Variants in PXMP2 observed in about 807,000 individuals in gnomAD.
PXMP2 encodes peroxisomal membrane protein 2.
A neutral mutation model predicts 20.2 loss-of-function variants in PXMP2; 13 were observed. That is an observed-to-expected ratio of 0.64 (90% CI 0.42 to 1.02). The LOEUF is 1.02. PXMP2 is among the 50% of genes least tolerant of loss of function. The pLI is 0.00. For synonymous variants in PXMP2, 113 were observed against 111.2 expected, an observed-to-expected ratio of 1.02 and a Z score of -0.10; for missense variants, 284 against 251.8, an observed-to-expected ratio of 1.13 and a Z score of -0.87.
intron 4 of PXMP2, 47 bp from the exon 5 acceptor site, chr12:132,704,572 C>T: frequency 7.3e-7 from 1 of 1,367,612 alleles, no homozygotes; most frequent in Non-Finnish European, 9.6e-7. Context: ...GATAACTGGC[C>T]ACGGCCTCCC....
Position 132,695,995 on chromosome 12 carries a change from C to A in PXMP2, c.348C>A (p.Val116=). ...GGAGGCTTCTCCTGGACCGCCTCGTCTTTGCACCGGCCTTCCTCATGTTGT... is the reference window on the plus strand; with the variant it reads ...GGAGGCTTCTCCTGGACCGCCTCGTATTTGCACCGGCCTTCCTCATGTTGT... ...GLRRLLLDRL[V]FAPAFLMLFF... is the part of the protein sequence containing the mutation. Residue 116 remains valine (V), a synonymous_variant, in exon 3 of 5, where the codon GTC becomes GTA. Transcript: ENST00000317479. 3 of 1,612,158 alleles carry A rather than the reference C, an allele frequency of 1.9e-6. No individual in the cohort carries two copies. The highest frequency in any genetic ancestry group is 2.5e-6 in the Non-Finnish European group (3 of 1,179,162).
In PXMP2 at chr12:132,696,116, G is replaced by T; in HGVS notation, c.399+70G>T. 6.9e-7 allele frequency: 1 copy of T among 1,452,488 alleles called. No homozygotes were observed. Among genetic ancestry groups the T allele is most frequent in the South Asian group, 1.5e-5 (1 of 67,638 alleles). 90.0% of individuals were successfully genotyped at this position (1,452,488 alleles called of 1,614,324 possible). On this transcript the variant is annotated intron_variant, in intron 3 of 4. Coordinates refer to ENST00000317479, the MANE Select transcript of PXMP2 (RefSeq NM_018663.3). This position sits in a 1 kb window ranked among gnomAD's most constrained non-coding sequence, Gnocchi z 4.4. ...AGGGATTCTTCACCTGACATTCTCGGCAGAATTCAGAGGGTCTGCAGATTT... is the reference window on the plus strand; with the variant it reads ...AGGGATTCTTCACCTGACATTCTCGTCAGAATTCAGAGGGTCTGCAGATTT...
At position 132,696,560 on chromosome 12, in the gene PXMP2, G is replaced by C. The variant is rs1051958568; in HGVS notation, c.399+514G>C. Among the ~76,000 whole-genome samples the C allele has an allele frequency of 6.6e-6, 1 of 152,164 alleles. No individual in the cohort carries two copies. Among genetic ancestry groups the C allele is most frequent in the African/African-American group, 2.4e-5 (1 of 41,432 alleles). Reference sequence around the variant, plus strand: ...CACCTGTAATCCCAGCACTTTGGGAGGGCGAGGCGGGTGGATCACCTGAGG... The same window carrying C: ...CACCTGTAATCCCAGCACTTTGGGACGGCGAGGCGGGTGGATCACCTGAGG... On this transcript the variant is annotated intron_variant, in intron 3 of 4. Transcript: ENST00000317479. This position sits in a 1 kb window ranked among gnomAD's most constrained non-coding sequence, Gnocchi z 4.4.
chr12:132,692,688 G>GCCCTTGCCAGTTAGTTAGTGAGCA (rs1565990628), intron 2 of PXMP2, among the ~76,000 whole-genome samples: 2 of 105,612 alleles, frequency 1.9e-5, no homozygotes, highest in Non-Finnish European at 4.0e-5. Context: ...GTTAGTGAGC[G>GCCCTTGCCAGTTAGTTAGTGAGCA]CCCTTGCCAG....
At chr12:132,701,439 C>G in intron 4 of PXMP2, 70 bp downstream of exon 4, 2 of 1,561,174 alleles carry the variant, frequency 1.3e-6, no homozygotes, top group East Asian at 2.3e-5. Context: ...CTTCCTTCCT[C>G]TTTCCTCCCC....
rs765202378 is a variant in PXMP2 at position 132,696,038 on chromosome 12, T to C, written c.391T>C (p.Phe131Leu). Reference protein sequence around the residue: ...FLMLFFLIMNFLEGKDASAFA... With the variant: ...FLMLFFLIMNLLEGKDASAFA... ...CATGTTGTTCTTCCTCATCATGAACTTTCTGGAGGTGGGTGTCTGCCACAG... is the reference window on the plus strand; with the variant it reads ...CATGTTGTTCTTCCTCATCATGAACCTTCTGGAGGTGGGTGTCTGCCACAG... The change falls in exon 3 of 5, where the codon TTT (phenylalanine) becomes CTT (leucine). Residue 131 changes from phenylalanine to leucine, a missense_variant. Transcript: ENST00000317479. This position sits in a 1 kb window ranked among gnomAD's most constrained non-coding sequence, Gnocchi z 4.4. 3.1e-6 allele frequency: 5 copies of C among 1,604,048 alleles called. No individual in the cohort carries two copies. The highest frequency in any genetic ancestry group is 1.7e-6 in the Non-Finnish European group (2 of 1,174,498).
Position 132,701,286 on chromosome 12 carries a change from G to A in PXMP2, c.436G>A (p.Gly146Arg). The A allele has an allele frequency of 3.7e-6, 6 of 1,612,972 alleles. No individual in the cohort carries two copies. The South Asian group carries it at 4.4e-5, about 12-fold the overall frequency. Residue 146 changes from glycine to arginine, a missense_variant, in exon 4 of 5, where the codon GGG (glycine) becomes AGG (arginine). Gly to Arg is a moderately radical substitution (Grantham distance 125). Coordinates refer to ENST00000317479, the MANE Select transcript of PXMP2 (RefSeq NM_018663.3). ...DASAFAAKMRGGFWPALRMNW... is the reference protein window; with the variant it reads ...DASAFAAKMRRGFWPALRMNW... ...CTCAGCCTTCGCCGCCAAGATGAGG[G>A]GGGGCTTCTGGCCGGCGCTGAGGAT... is the stretch of plus-strand genomic sequence containing the variant.
rs566833280 is a variant in PXMP2, at chr12:132,695,627, T to C, written c.237-257T>C. Among the ~76,000 whole-genome samples the C allele has an allele frequency of 1.1e-4, 16 of 152,050 alleles. No homozygotes were observed. The South Asian group carries it at 3.3e-3, about 32-fold the overall frequency. On this transcript the variant is annotated intron_variant, in intron 2 of 4. Transcript: ENST00000317479. ...GCTGGGACGACCTGGAAGCTGACAG[T>C]GTGAGGAGGAGCGAGCCAACATAGC...
At position 132,704,607 on chromosome 12, in the gene PXMP2, T is replaced by G; in HGVS notation, c.520-12T>G. 7.0e-7 allele frequency: 1 copy of G among 1,435,370 alleles called. No homozygotes were observed. Among genetic ancestry groups the G allele is most frequent in the Non-Finnish European group, 9.2e-7 (1 of 1,088,184 alleles). The allele number at this position is 1,435,370 out of a possible 1,614,324, so 88.9% of individuals were successfully genotyped here. On this transcript the variant is annotated splice_polypyrimidine_tract_variant and intron_variant, in intron 4 of 4. Coordinates refer to ENST00000317479, the MANE Select transcript of PXMP2 (RefSeq NM_018663.3). ...CGCTGACCGTGGCCTGTTGGACTGT[T>G]CTTTTCGGCAGTTCCGGGTGCTCTT...
At chr12:132,689,370 G>A (rs1487574874) in intron 1 of PXMP2, among the ~76,000 whole-genome samples, 1 of 152,188 alleles carries the variant, frequency 6.6e-6, no homozygotes, top group African/African-American at 2.4e-5. Flanking sequence ...GCTGTGTAAA[G>A]AAGTGGAGCA....
chr12:132,688,076 C>G (rs2136054763), intron 1 of PXMP2: 1 of 211,958 alleles, frequency 4.7e-6, no homozygotes, highest in South Asian at 7.8e-5. Flanking sequence ...CCAACAGGGG[C>G]CCCGCGCGCC....
At position 132,704,049 on chromosome 12, in the gene PXMP2, CTG is replaced by C. The variant is rs768036902; in HGVS notation, c.520-567_520-566del. ...TCAGCAAGCGTTTCCTGAGCAGTGA[CTG>C]TGCGCCATGCTGCTAGACTCGGAGA... is the stretch of plus-strand genomic sequence containing the variant. On this transcript the variant is annotated intron_variant, in intron 4 of 4. Coordinates refer to ENST00000317479, the MANE Select transcript of PXMP2 (RefSeq NM_018663.3). Among the ~76,000 whole-genome samples the C allele has an allele frequency of 4.6e-5, 7 of 152,180 alleles. No homozygotes were observed. The East Asian group carries it at 5.8e-4, about 13-fold the overall frequency.
At chr12:132,698,692 T>C (rs1285039735) in intron 3 of PXMP2, among the ~76,000 whole-genome samples, 1 of 152,136 alleles carries the variant, frequency 6.6e-6, no homozygotes, top group Non-Finnish European at 1.5e-5. Context: ...GGTGGCACAA[T>C]ATCGGCTCAC....
At chr12:132,692,603 T>A (rs1185490605) in intron 2 of PXMP2, among the ~76,000 whole-genome samples, 18 of 124,016 alleles carry the variant, frequency 1.5e-4, no homozygotes, top group Non-Finnish European at 1.5e-4. Flanking sequence ...TGCCAGTTAG[T>A]TAAGTGAGCG....
At chr12:132,703,108 T>C (rs1300531149) in intron 4 of PXMP2, among the ~76,000 whole-genome samples, 1 of 152,116 alleles carries the variant, frequency 6.6e-6, no homozygotes, top group Admixed American at 6.5e-5. Flanking sequence ...TGGGAATTAT[T>C]TTAAAAATCA....
intron 2 of PXMP2, among the ~76,000 whole-genome samples, chr12:132,691,932 C>T (rs1473870450): frequency 1.3e-5 from 2 of 152,286 alleles, no homozygotes; most frequent in Non-Finnish European, 2.9e-5. Flanking sequence ...GCAACGCACA[C>T]AACCTAGAGT....
chr12:132,698,556 A>G (rs761166232), intron 3 of PXMP2, among the ~76,000 whole-genome samples: 1 of 152,214 alleles, frequency 6.6e-6, no homozygotes, highest in African/African-American at 2.4e-5. Flanking sequence ...TTTATTGGGC[A>G]ATCCCCAGTA....
intron 1 of PXMP2, among the ~76,000 whole-genome samples, chr12:132,689,737 A>C (rs1258144329): frequency 1.3e-5 from 2 of 152,216 alleles, no homozygotes; most frequent in Non-Finnish European, 2.9e-5. Context: ...TTACAAGACT[A>C]ACATGGAGAG....
At chr12:132,698,261 C>T (rs921214971) in intron 3 of PXMP2, among the ~76,000 whole-genome samples, 19 of 152,272 alleles carry the variant, frequency 1.2e-4, no homozygotes, top group African/African-American at 3.6e-4. Context: ...CCACCCGCCT[C>T]GGTCTCTCAA....
Sources: gnomAD v4.1 joint callset for allele counts (sites outside exome capture counted in the v4.1 genomes callset) on GRCh38, gnomAD v4.1.1 for gene constraint, Gnocchi (gnomAD v3.1) non-coding constraint, MANE v1.5 for transcripts, NCBI Gene and HGNC (gene_info 2026-07-23, HGNC 2026-07-21) for gene names.